Variants in CNTLN observed in about 807,000 individuals in gnomAD.
CNTLN encodes centlein, also known as centlein, centrosomal protein.
In CNTLN, 212 loss-of-function variants were observed where a neutral mutation model predicts 180.0. The observed-to-expected ratio is 1.18, with a 90% CI of 1.05 to 1.32. CNTLN has a LOEUF of 1.32. Ranked by LOEUF, CNTLN falls within the 40% of genes most tolerant of loss-of-function variation. CNTLN has a pLI of 0.00. For synonymous variants in CNTLN, 722 were observed against 563.1 expected (o/e 1.28, Z -3.99); for missense variants, 2,095 against 1,610.9 (o/e 1.30, Z -5.14).
At position 17,179,484 on chromosome 9, in the gene CNTLN, G is replaced by A. The variant is rs369944853; in HGVS notation, c.449+36108G>A. On this transcript the variant is annotated intron_variant, in intron 2 of 25. Transcript: ENST00000380647. ...GTTATTTAATTTTCAAGTGTTTGGC[G>A]ATTTTTCCTTTGCCAGATTTTTAGT... is the stretch of plus-strand genomic sequence containing the variant. 1.2e-4 allele frequency among the ~76,000 whole-genome samples: 19 copies of A among 152,204 alleles called. No homozygotes were observed. The East Asian group carries it at 1.5e-3, about 12-fold the overall frequency.
chr9:17,200,668 A>G (rs1822459466), intron 2 of CNTLN, among the ~76,000 whole-genome samples: 2 of 152,016 alleles, frequency 1.3e-5, no homozygotes, highest in East Asian at 3.9e-4. Context: ...AATGCTTGTG[A>G]TTTTTGCACA....
chr9:17,376,208 T>C (rs1824742481), intron 13 of CNTLN, among the ~76,000 whole-genome samples: 1 of 152,200 alleles, frequency 6.6e-6, no homozygotes, highest in Admixed American at 6.5e-5. Context: ...TCCCGTCTCT[T>C]TCAGTGGAAC....
rs3808777 is a variant in CNTLN at position 17,503,075 on chromosome 9, G to T, written c.*423G>T. 0.11 allele frequency: 16,707 copies of T among 152,526 alleles called. 2,582 individuals are homozygous for T. The highest frequency in any genetic ancestry group is 0.35 in the African/African-American group (14,554 of 41,442). The allele number at this position is 152,526 out of a possible 1,614,324, so 9.4% of individuals were successfully genotyped here. A position where few individuals can be genotyped will look rare whatever the true frequency, so the allele number is the denominator to read the frequency against. Reference sequence around the variant, plus strand: ...TAGATGGCCATAAGTGGTCCAGGGAGCAACAGATTTGTAGTATGAGCAAAT... The same window carrying T: ...TAGATGGCCATAAGTGGTCCAGGGATCAACAGATTTGTAGTATGAGCAAAT... On this transcript the variant is annotated 3_prime_UTR_variant, in exon 26 of 26. Coordinates refer to ENST00000380647, the MANE Select transcript of CNTLN (RefSeq NM_017738.4).
At position 17,503,170 on chromosome 9, in the gene CNTLN, T is replaced by C. The variant is rs143541496; in HGVS notation, c.*518T>C. The C allele has an allele frequency of 6.6e-6, 1 of 152,366 alleles. No individual in the cohort carries two copies. The highest frequency in any genetic ancestry group is 2.4e-5 in the African/African-American group (1 of 41,574). The allele number at this position is 152,366 out of a possible 1,614,324, so 9.4% of individuals were successfully genotyped here. A position where few individuals can be genotyped will look rare whatever the true frequency, so the allele number is the denominator to read the frequency against. On this transcript the variant is annotated 3_prime_UTR_variant, in exon 26 of 26. Transcript: ENST00000380647. ...TGTGGTCCAATTGAATCTGTTCTCA[T>C]TGATGTGCTGGTTTATGTAGGAGAT...
At chr9:17,216,324 T>G (rs147123107) in intron 2 of CNTLN, among the ~76,000 whole-genome samples, 32 of 152,360 alleles carry the variant, frequency 2.1e-4, no homozygotes, top group Admixed American at 7.8e-4. Flanking sequence ...TTTAATATTC[T>G]GTACTTTTTT....
intron 2 of CNTLN, among the ~76,000 whole-genome samples, chr9:17,155,346 G>T (rs936244765): frequency 4.6e-5 from 7 of 152,226 alleles, no homozygotes; most frequent in Admixed American, 6.5e-5. Flanking sequence ...ACCCTTAGCA[G>T]ACCTGGAATG....
At chr9:17,292,563 T>A (rs1829485392) in intron 6 of CNTLN, among the ~76,000 whole-genome samples, 1 of 152,172 alleles carries the variant, frequency 6.6e-6, no homozygotes, top group Non-Finnish European at 1.5e-5. Context: ...CTTTAAGCTC[T>A]GAAATTCTTT....
intron 8 of CNTLN, among the ~76,000 whole-genome samples, chr9:17,322,678 TG>T (rs1200047793): frequency 6.6e-6 from 1 of 152,138 alleles, no homozygotes; most frequent in Non-Finnish European, 1.5e-5. Context: ...TGGCTTTTAG[TG>T]GATTAATTAA....
chr9:17,465,386 C>T (rs1831688377), intron 21 of CNTLN, among the ~76,000 whole-genome samples: 1 of 150,498 alleles, frequency 6.6e-6, no homozygotes, highest in African/African-American at 2.4e-5. Context: ...TCAATGTTAT[C>T]CTTTCAATTT....
intron 2 of CNTLN, among the ~76,000 whole-genome samples, chr9:17,211,468 T>C (rs1288358929): frequency 6.6e-6 from 1 of 152,234 alleles, no homozygotes; most frequent in Non-Finnish European, 1.5e-5. Context: ...CTTTGTAGTA[T>C]AGTTTGAAGT....
At chr9:17,205,629 A>G (rs1293990836) in intron 2 of CNTLN, among the ~76,000 whole-genome samples, 2 of 152,200 alleles carry the variant, frequency 1.3e-5, no homozygotes, top group Non-Finnish European at 2.9e-5. Flanking sequence ...GCTATTCAGG[A>G]GGAGGCCAGA....
the CNTLN span, among the ~76,000 whole-genome samples, chr9:17,517,240 A>T: frequency 3.3e-5 from 5 of 151,852 alleles, no homozygotes; most frequent in African/African-American, 7.3e-5. Context: ...AATACAAAAA[A>T]AAATTAGCCA....
intron 6 of CNTLN, among the ~76,000 whole-genome samples, chr9:17,283,403 A>G (rs889492502): frequency 2.0e-5 from 3 of 151,760 alleles, no homozygotes; most frequent in Admixed American, 6.6e-5. Flanking sequence ...CTGCTTGTCT[A>G]TTGTTAGTGT....
At chr9:17,253,582 T>C (rs1310912299) in intron 5 of CNTLN, among the ~76,000 whole-genome samples, 1 of 151,526 alleles carries the variant, frequency 6.6e-6, no homozygotes, top group Non-Finnish European at 1.5e-5. Flanking sequence ...ATTACTAATG[T>C]ATGGAAATGC....
intron 18 of CNTLN, among the ~76,000 whole-genome samples, chr9:17,436,082 T>C (rs1413759235): frequency 6.6e-6 from 1 of 152,210 alleles, no homozygotes; most frequent in Non-Finnish European, 1.5e-5. Flanking sequence ...CCTTTTTACA[T>C]TATAAACAAT....
At chr9:17,301,327 C>A in intron 7 of CNTLN, 1 of 985,218 alleles carries the variant, frequency 1.0e-6, no homozygotes, top group Non-Finnish European at 1.2e-6. Context: ...TTATGTTTAT[C>A]CCTTCCAAGA....
chr9:17,446,345 T>A (rs1327479196), intron 18 of CNTLN, among the ~76,000 whole-genome samples: 1 of 152,110 alleles, frequency 6.6e-6, no homozygotes, highest in Non-Finnish European at 1.5e-5. Context: ...ATCATGAAAA[T>A]ATTTCCGTTT....
intron 2 of CNTLN, among the ~76,000 whole-genome samples, chr9:17,149,431 C>T (rs1444078453): frequency 6.6e-6 from 1 of 152,046 alleles, no homozygotes; most frequent in Non-Finnish European, 1.5e-5. Flanking sequence ...TACACCCCCA[C>T]CAACAGTGTA....
chr9:17,304,996 A>G (rs1008413748), intron 7 of CNTLN, among the ~76,000 whole-genome samples: 2 of 152,170 alleles, frequency 1.3e-5, no homozygotes, highest in African/African-American at 4.8e-5. Context: ...GATGATTTCA[A>G]TTCTTAAACA....
Sources: allele counts gnomAD v4.1 joint callset (sites outside exome capture counted in the v4.1 genomes callset), GRCh38; gene constraint gnomAD v4.1.1; transcripts MANE v1.5; gene names NCBI Gene and HGNC (gene_info 2026-07-23, HGNC 2026-07-21).